Variants in NPAS3 observed in about 807,000 individuals in gnomAD.
NPAS3 encodes neuronal PAS domain-containing protein 3.
In NPAS3, 14 loss-of-function variants were observed where a neutral mutation model predicts 73.1. That is an observed-to-expected ratio of 0.19 (90% CI 0.13 to 0.30). The LOEUF is 0.30. Ranked by LOEUF, NPAS3 falls within the 10% of genes least tolerant of loss-of-function variation. The probability of loss-of-function intolerance (pLI) is 1.00; values close to 1 mark genes in which losing one functional copy is unlikely to be tolerated. For missense variants in NPAS3, 1,096 were observed against 1,250.0 expected, an observed-to-expected ratio of 0.88 and a Z score of 1.86; for synonymous variants, 620 against 541.5, an observed-to-expected ratio of 1.14 and a Z score of -2.01.
intron 4 of NPAS3, among the ~76,000 whole-genome samples, chr14:33,521,513 T>TA (rs35106729): frequency 0.27 from 36,479 of 132,738 alleles, 5,316 homozygotes; most frequent in East Asian, 0.42. Flanking sequence ...TGATCTGCTT[T>TA]AAAAAAAAAA....
chr14:33,686,251 G>A (rs921596530), intron 6 of NPAS3, among the ~76,000 whole-genome samples: 2 of 152,174 alleles, frequency 1.3e-5, no homozygotes, highest in African/African-American at 4.8e-5. Context: ...AGGCAGGAAG[G>A]AGCCCTGTCT....
chr14:33,539,387 G>A (rs1256033309), intron 4 of NPAS3, among the ~76,000 whole-genome samples: 2 of 152,092 alleles, frequency 1.3e-5, no homozygotes, highest in Non-Finnish European at 2.9e-5. Context: ...GACAAGAAGT[G>A]TGGGAATTAG....
intron 4 of NPAS3, among the ~76,000 whole-genome samples, chr14:33,421,658 A>G (rs896924925): frequency 2.0e-5 from 3 of 151,884 alleles, no homozygotes; most frequent in African/African-American, 7.3e-5. Context: ...TATTCTCTGT[A>G]TGAAGGTTTA....
rs559069097 is a variant in NPAS3, at chr14:33,183,189, G to T, written c.141-31993G>T. Among the ~76,000 whole-genome samples, 10 of 152,268 alleles carry T rather than the reference G, an allele frequency of 6.6e-5. No homozygotes were observed. The South Asian group carries it at 2.1e-3, about 32-fold the overall frequency. ...GCCTGTAATCCCAGCACTTTTGGAGGCCGAGGCAGGCGGATCACTTGAGGT... is the reference window on the plus strand; with the variant it reads ...GCCTGTAATCCCAGCACTTTTGGAGTCCGAGGCAGGCGGATCACTTGAGGT... On this transcript the variant is annotated intron_variant, in intron 2 of 11. Coordinates refer to ENST00000356141, the Ensembl canonical transcript of NPAS3.
At chr14:33,017,075 C>T (rs376656678) in intron 1 of NPAS3, among the ~76,000 whole-genome samples, 29 of 152,256 alleles carry the variant, frequency 1.9e-4, no homozygotes, top group African/African-American at 2.9e-4. Context: ...TGCCTTCAAT[C>T]GCTACAAATT....
chr14:33,436,873 G>A (rs539331678), intron 4 of NPAS3, among the ~76,000 whole-genome samples: 2 of 152,218 alleles, frequency 1.3e-5, no homozygotes, highest in Admixed American at 6.5e-5. Context: ...TTTTTAATTA[G>A]GAAAAACAAC....
At chr14:33,350,921 A>T (rs995308214) in intron 3 of NPAS3, among the ~76,000 whole-genome samples, 1 of 152,166 alleles carries the variant, frequency 6.6e-6, no homozygotes, top group Non-Finnish European at 1.5e-5. Flanking sequence ...CAGGTGAAGG[A>T]TCTTCTACGG....
At chr14:33,168,362 G>T (rs2045249158) in intron 2 of NPAS3, among the ~76,000 whole-genome samples, 1 of 152,118 alleles carries the variant, frequency 6.6e-6, no homozygotes, top group African/African-American at 2.4e-5. Context: ...AGCAGAGAAG[G>T]TCACAAGGAA....
intron 4 of NPAS3, among the ~76,000 whole-genome samples, chr14:33,390,839 A>G (rs562465199): frequency 3.2e-4 from 48 of 152,264 alleles, no homozygotes; most frequent in Middle Eastern, 3.4e-3. Flanking sequence ...TTATTTTATT[A>G]CCATGTTTCA....
chr14:33,094,324 T>C (rs2042332442), intron 2 of NPAS3, among the ~76,000 whole-genome samples: 1 of 152,226 alleles, frequency 6.6e-6, no homozygotes, highest in Admixed American at 6.5e-5. Context: ...TTTTAGTTAT[T>C]CAATTTATTA....
At chr14:32,966,867 G>C (rs1056922722) in intron 1 of NPAS3, among the ~76,000 whole-genome samples, 56 of 151,674 alleles carry the variant, frequency 3.7e-4, no homozygotes, top group Non-Finnish European at 6.2e-4. Context: ...GCCTGAACAA[G>C]GATTTTTTTG....
intron 1 of NPAS3, among the ~76,000 whole-genome samples, chr14:33,049,395 A>C (rs2040623938): frequency 6.6e-6 from 1 of 152,232 alleles, no homozygotes; most frequent in Admixed American, 6.5e-5. Flanking sequence ...CAATTTACAA[A>C]GGAAGGAGGT....
intron 5 of NPAS3, among the ~76,000 whole-genome samples, chr14:33,637,011 G>A (rs115248233): frequency 1.2e-3 from 186 of 151,934 alleles, no homozygotes; most frequent in African/African-American, 4.3e-3. Context: ...GTTTTCTTCC[G>A]GCATCAGGGT....
intron 3 of NPAS3, among the ~76,000 whole-genome samples, chr14:33,355,915 A>G (rs1026052042): frequency 1.2e-4 from 19 of 152,050 alleles, no homozygotes; most frequent in Admixed American, 6.5e-4. Context: ...TGTTGCTATT[A>G]TTGTTGTCGT....
intron 5 of NPAS3, among the ~76,000 whole-genome samples, chr14:33,647,293 T>TCTCC (rs1341495393): frequency 7.1e-6 from 1 of 140,182 alleles, no homozygotes; most frequent in Non-Finnish European, 1.5e-5. Flanking sequence ...TCTCTCTCTA[T>TCTCC]ATATATATAT....
At chr14:33,022,024 A>G (rs1045564715) in intron 1 of NPAS3, among the ~76,000 whole-genome samples, 2 of 152,182 alleles carry the variant, frequency 1.3e-5, no homozygotes, top group Non-Finnish European at 2.9e-5. Context: ...GGACATTCCA[A>G]CCTGCATCTG....
intron 1 of NPAS3, among the ~76,000 whole-genome samples, chr14:32,944,098 G>A (rs932404378): frequency 1.3e-5 from 2 of 152,178 alleles, no homozygotes; most frequent in African/African-American, 2.4e-5. Context: ...TGACCCTAAT[G>A]TAACCTTAAT....
chr14:33,331,869 G>C (rs2044000425), intron 3 of NPAS3, among the ~76,000 whole-genome samples: 1 of 152,166 alleles, frequency 6.6e-6, no homozygotes, highest in Non-Finnish European at 1.5e-5. Flanking sequence ...AAGTTAACTT[G>C]TCTGTCCATA....
chr14:33,063,846 C>T (rs1266889069), intron 2 of NPAS3, among the ~76,000 whole-genome samples: 1 of 152,158 alleles, frequency 6.6e-6, no homozygotes, highest in Non-Finnish European at 1.5e-5. Flanking sequence ...CCTTGTTGCT[C>T]ATCTAACTTA....
Sources: gnomAD v4.1 joint callset for allele counts (sites outside exome capture counted in the v4.1 genomes callset) on GRCh38, gnomAD v4.1.1 for gene constraint, MANE v1.5 for transcripts, NCBI Gene and HGNC (gene_info 2026-07-23, HGNC 2026-07-21) for gene names.